Variants in CSMD1 observed in about 807,000 individuals in gnomAD.
CSMD1 encodes the protein CUB and sushi domain-containing protein 1.
CSMD1 carries 213 observed loss-of-function variants against 417.5 expected under a neutral mutation model. The observed-to-expected ratio is 0.51, with a 90% CI of 0.46 to 0.57. The LOEUF is 0.57. CSMD1 is among the 20% of genes least tolerant of loss of function. The probability of loss-of-function intolerance (pLI) is 0.00; values close to 1 mark genes in which losing one functional copy is unlikely to be tolerated. For synonymous variants in CSMD1, 2,862 were observed against 1,736.8 expected (o/e 1.65, Z -16.11); for missense variants, 6,923 against 4,529.7 (o/e 1.53, Z -15.17).
chr8:4,394,224 C>G (rs1437180432), intron 3 of CSMD1, among the ~76,000 whole-genome samples: 1 of 152,120 alleles, frequency 6.6e-6, no homozygotes, highest in African/African-American at 2.4e-5. Flanking sequence ...CTTAGAAAAA[C>G]AGTAATTATT....
At chr8:4,188,623 T>C (rs1022646165) in intron 3 of CSMD1, among the ~76,000 whole-genome samples, 4 of 152,144 alleles carry the variant, frequency 2.6e-5, no homozygotes, top group African/African-American at 9.7e-5. Context: ...GTGAGTAAGA[T>C]TCCCGCCTTT....
intron 3 of CSMD1, among the ~76,000 whole-genome samples, chr8:4,389,915 T>A (rs916858301): frequency 6.6e-6 from 1 of 152,196 alleles, no homozygotes; most frequent in Non-Finnish European, 1.5e-5. Context: ...TCCACTGTTA[T>A]AATTCTAGGA....
chr8:3,084,012 A>C (rs2129004680), intron 49 of CSMD1, among the ~76,000 whole-genome samples: 1 of 152,196 alleles, frequency 6.6e-6, no homozygotes, highest in Middle Eastern at 3.4e-3. Flanking sequence ...GAAGGAAACA[A>C]ATCTTTTTGT....
At chr8:3,591,129 T>C (rs573585711) in intron 8 of CSMD1, among the ~76,000 whole-genome samples, 1 of 152,158 alleles carries the variant, frequency 6.6e-6, no homozygotes, top group Non-Finnish European at 1.5e-5. Flanking sequence ...AGTTAGTAAC[T>C]GTAAGAAATA....
chr8:4,143,180 G>C (rs1165039262), intron 3 of CSMD1, among the ~76,000 whole-genome samples: 1 of 151,072 alleles, frequency 6.6e-6, no homozygotes, highest in Admixed American at 6.6e-5. Flanking sequence ...GTTCAAAACA[G>C]GTAAGTGCTG....
In CSMD1 at chr8:3,343,379, G is replaced by A. The variant is rs772523417; in HGVS notation, c.3546C>T (p.Ile1182=). The A allele has an allele frequency of 4.3e-6, 7 of 1,613,592 alleles. No individual in the cohort carries two copies. The highest frequency in any genetic ancestry group is 5.9e-6 in the Non-Finnish European group (7 of 1,179,692). ...TFTKNELLGL[I]LNSTSNHLWL... is the part of the protein sequence containing the mutation. ...ACAGGTGATTGGATGTGCTGTTTAG[G>A]ATCAGCCCCAGAAGTTCATTTTTAG... Residue 1182 remains isoleucine (I), a synonymous_variant, in exon 23 of 70, where the codon ATC becomes ATT. Coordinates refer to ENST00000635120, the MANE Select transcript of CSMD1 (RefSeq NM_033225.6).
intron 3 of CSMD1, among the ~76,000 whole-genome samples, chr8:4,404,095 G>C (rs1043622955): frequency 6.6e-6 from 1 of 152,138 alleles, no homozygotes; most frequent in Non-Finnish European, 1.5e-5. Context: ...TACTGCTTTA[G>C]GGAATGGTAT....
At chr8:4,222,544 C>G (rs1021421891) in intron 3 of CSMD1, among the ~76,000 whole-genome samples, 3 of 152,118 alleles carry the variant, frequency 2.0e-5, no homozygotes, top group African/African-American at 4.8e-5. Flanking sequence ...ATAAAAACCA[C>G]AGAAGTACAG....
intron 3 of CSMD1, among the ~76,000 whole-genome samples, chr8:4,130,756 T>G (rs1197315217): frequency 6.6e-6 from 1 of 151,978 alleles, no homozygotes; most frequent in African/African-American, 2.4e-5. Flanking sequence ...GATTTTGAGG[T>G]GGTTAACATT....
chr8:4,785,846 G>A (rs558733228), intron 1 of CSMD1, among the ~76,000 whole-genome samples: 1 of 152,144 alleles, frequency 6.6e-6, no homozygotes, highest in Non-Finnish European at 1.5e-5. Context: ...AATGATTAAA[G>A]ATGTTCTTCA....
chr8:4,438,767 CCCTGAATCACAAGTG>C (rs1256737812), intron 2 of CSMD1, among the ~76,000 whole-genome samples: 1 of 152,202 alleles, frequency 6.6e-6, no homozygotes, highest in Non-Finnish European at 1.5e-5. Flanking sequence ...AAACCATGTG[CCCTGAATCACAAGTG>C]CTTGAAGGAT....
At chr8:3,823,004 G>T (rs1243362769) in intron 5 of CSMD1, among the ~76,000 whole-genome samples, 1 of 152,036 alleles carries the variant, frequency 6.6e-6, no homozygotes, top group South Asian at 2.1e-4. Context: ...GGTTACGAAG[G>T]CTGAGTCAGC....
At chr8:4,311,498 A>G (rs1798566906) in intron 3 of CSMD1, among the ~76,000 whole-genome samples, 1 of 152,152 alleles carries the variant, frequency 6.6e-6, no homozygotes, top group Non-Finnish European at 1.5e-5. Flanking sequence ...CAAGTTGGGC[A>G]GATCACCTGA....
chr8:4,187,374 C>G (rs551520269), intron 3 of CSMD1, among the ~76,000 whole-genome samples: 1 of 152,094 alleles, frequency 6.6e-6, no homozygotes, highest in Admixed American at 6.5e-5. Flanking sequence ...GGGCCAGGCA[C>G]GGTGGCTGAT....
intron 5 of CSMD1, among the ~76,000 whole-genome samples, chr8:3,777,604 G>A (rs1798961116): frequency 6.6e-6 from 1 of 152,216 alleles, no homozygotes; most frequent in Non-Finnish European, 1.5e-5. Flanking sequence ...GTCTCAGAAT[G>A]AGATGCCTCC....
chr8:4,033,871 A>T (rs1797483635), intron 3 of CSMD1, among the ~76,000 whole-genome samples: 4 of 152,188 alleles, frequency 2.6e-5, no homozygotes, highest in Non-Finnish European at 5.9e-5. Flanking sequence ...TACATCATTC[A>T]GTTGAATGGA....
At chr8:4,582,030 G>T (rs553588363) in intron 2 of CSMD1, among the ~76,000 whole-genome samples, 1 of 152,052 alleles carries the variant, frequency 6.6e-6, no homozygotes, top group Non-Finnish European at 1.5e-5. Context: ...AAACAGCATC[G>T]CAGAGAGAGA....
intron 6 of CSMD1, among the ~76,000 whole-genome samples, chr8:3,735,892 T>C (rs1584923039): frequency 6.6e-6 from 1 of 152,152 alleles, no homozygotes; most frequent in African/African-American, 2.4e-5. Context: ...CATAGAGTTA[T>C]AAATAAAACA....
Position 3,857,888 on chromosome 8 carries a change from A to G in CSMD1, c.819-103846T>C, listed in dbSNP as rs75928517. ...AGAGATTACGTGATATGTAACAGGG[A>G]TTGCTTCCGTCCTTAAAATTGACCA... On this transcript the variant is annotated intron_variant, in intron 5 of 69. Coordinates refer to ENST00000635120, the MANE Select transcript of CSMD1 (RefSeq NM_033225.6). 5.3e-3 allele frequency among the ~76,000 whole-genome samples: 813 copies of G among 152,344 alleles called. 24 individuals carry two copies. Among genetic ancestry groups the G allele is most frequent in the Admixed American group, 0.039 (601 of 15,296 alleles).
Sources: gnomAD v4.1 joint callset for allele counts (sites outside exome capture counted in the v4.1 genomes callset) on GRCh38, gnomAD v4.1.1 for gene constraint, MANE v1.5 for transcripts, NCBI Gene and HGNC (gene_info 2026-07-23, HGNC 2026-07-21) for gene names.